The following NEBL variants were observed in gnomAD, a reference collection of about 807,000 sequenced individuals.
NEBL encodes nebulette, also known as LIM and SH3 protein 2.
Under a neutral mutation model 140.2 loss-of-function variants are expected in NEBL, and 122 were observed. That is an observed-to-expected ratio of 0.87 (90% CI 0.75 to 1.01). The LOEUF is 1.01. Among genes scored for constraint, NEBL ranks in the 50% least tolerant of loss-of-function variants. The pLI, the probability that NEBL is intolerant of heterozygous loss-of-function variation, is 0.00. For synonymous variants in NEBL, 436 were observed against 398.9 expected (o/e 1.09, Z -1.11); for missense variants, 1,365 against 1,231.3 (o/e 1.11, Z -1.62).
chr10:21,273,586 C>G (rs905243666), intron 1 of NEBL, among the ~76,000 whole-genome samples: 1 of 152,182 alleles, frequency 6.6e-6, no homozygotes, highest in Non-Finnish European at 1.5e-5. Flanking sequence ...CTACACCCTA[C>G]AGCCTCTGCC....
chr10:21,106,902 A>G (rs1284587943), intron 2 of NEBL, among the ~76,000 whole-genome samples: 2 of 152,104 alleles, frequency 1.3e-5, no homozygotes, highest in African/African-American at 4.8e-5. Context: ...GGTCCTTCAC[A>G]TCCCTTGTAA....
chr10:21,007,941 G>C (rs1164931519), intron 3 of NEBL, among the ~76,000 whole-genome samples: 1 of 152,172 alleles, frequency 6.6e-6, no homozygotes, highest in Non-Finnish European at 1.5e-5. Flanking sequence ...AGACTGCAAA[G>C]CTAATTCACA....
chr10:21,092,888 A>T (rs1274928358), intron 2 of NEBL, among the ~76,000 whole-genome samples: 2 of 152,036 alleles, frequency 1.3e-5, no homozygotes, highest in Non-Finnish European at 1.5e-5. Flanking sequence ...TCAGAGACCC[A>T]TGCCAAGCAA....
At chr10:21,058,310 T>C (rs1486045598) in intron 2 of NEBL, among the ~76,000 whole-genome samples, 1 of 152,190 alleles carries the variant, frequency 6.6e-6, no homozygotes, top group African/African-American at 2.4e-5. Context: ...TTCTTGCTCT[T>C]TTGGACTTTT....
chr10:21,128,670 G>A lies in NEBL; in HGVS notation c.164+43713C>T, dbSNP rs796580217. On this transcript the variant is annotated intron_variant, in intron 2 of 6. Transcript: ENST00000417816. ...GGCGAGAGAACAAAAGCAAAAAAAA[G>A]GAAGACCAACAAGAGAACATCATCA... is the stretch of plus-strand genomic sequence containing the variant. 5.3e-5 allele frequency among the ~76,000 whole-genome samples: 8 copies of A among 152,030 alleles called. No homozygotes were observed. The South Asian group carries it at 1.7e-3, about 32-fold the overall frequency.
At chr10:20,997,648 C>A (rs147040425) in intron 3 of NEBL, among the ~76,000 whole-genome samples, 1 of 152,082 alleles carries the variant, frequency 6.6e-6, no homozygotes, top group African/African-American at 2.4e-5. Flanking sequence ...TGGGTACTTT[C>A]TATGATCAGA....
At chr10:20,833,637 C>A (rs1462300502) in intron 14 of NEBL, among the ~76,000 whole-genome samples, 2 of 151,688 alleles carry the variant, frequency 1.3e-5, no homozygotes, top group African/African-American at 2.4e-5. Context: ...TTAATTGCCT[C>A]AAGGATTCTT....
At chr10:20,860,411 T>C (rs1395794710) in intron 7 of NEBL, among the ~76,000 whole-genome samples, 1 of 151,866 alleles carries the variant, frequency 6.6e-6, no homozygotes, top group Non-Finnish European at 1.5e-5. Context: ...TCCAATACTC[T>C]CTCTAAATTG....
intron 2 of NEBL, chr10:21,170,197 A>G (rs148511822): frequency 4.0e-5 from 6 of 151,600 alleles, no homozygotes; most frequent in African/African-American, 1.5e-4. Flanking sequence ...CCCTTATCCA[A>G]TTCTCTCTCA....
intron 4 of NEBL, among the ~76,000 whole-genome samples, chr10:20,957,561 T>C (rs770971028): frequency 1.2e-4 from 19 of 152,254 alleles, no homozygotes; most frequent in East Asian, 3.9e-4. Context: ...CTAATGTCTA[T>C]AGACATTAGT....
At chr10:20,940,894 T>C (rs1834818409) in intron 4 of NEBL, among the ~76,000 whole-genome samples, 1 of 152,154 alleles carries the variant, frequency 6.6e-6, no homozygotes, top group Admixed American at 6.5e-5. Context: ...AGGAAGAAGT[T>C]GAATCTCTGA....
chr10:21,231,465 G>C (rs905404115), intron 3 of NEBL, among the ~76,000 whole-genome samples: 1 of 152,086 alleles, frequency 6.6e-6, no homozygotes, highest in Non-Finnish European at 1.5e-5. Context: ...GCTTGAACTC[G>C]GGGGAGGAGG....
intron 3 of NEBL, among the ~76,000 whole-genome samples, chr10:21,015,651 A>G (rs892195609): frequency 1.3e-5 from 2 of 152,152 alleles, no homozygotes; most frequent in Non-Finnish European, 2.9e-5. Flanking sequence ...AGCTGAGACT[A>G]CAGGTATGCA....
chr10:20,835,561 G>T lies in NEBL; in HGVS notation c.1401C>A (p.Asp467Glu). ...TCTTGGCATGCTGCATTTCAAGGGT[G>T]TCAGTGCCAGCTTGCATTCCTTTCC... is the stretch of plus-strand genomic sequence containing the variant. ...IKGKGMQAGT[D>E]TLEMQHAKKA... Residue 467 changes from aspartate (D) to glutamate (E), a missense_variant, in exon 14 of 28, where the codon GAC (aspartate) becomes GAA (glutamate). Transcript: ENST00000377122. 2 of 1,612,786 alleles carry T rather than the reference G, an allele frequency of 1.2e-6. No individual in the cohort carries two copies.
At chr10:21,061,081 T>TA (rs1302556007) in intron 2 of NEBL, among the ~76,000 whole-genome samples, 1 of 151,874 alleles carries the variant, frequency 6.6e-6, no homozygotes, top group Non-Finnish European at 1.5e-5. Flanking sequence ...TAGAGGTCAT[T>TA]AGGGTGGGCC....
intron 3 of NEBL, among the ~76,000 whole-genome samples, chr10:21,208,966 C>T (rs1023136302): frequency 6.6e-6 from 1 of 152,120 alleles, no homozygotes; most frequent in Non-Finnish European, 1.5e-5. Context: ...TATGGTGACT[C>T]GGCCAAATAA....
chr10:20,793,356 T>C, intron 26 of NEBL: 3 of 978,450 alleles, frequency 3.1e-6, no homozygotes, highest in East Asian at 1.1e-4. Flanking sequence ...AAATCTTCAG[T>C]TTCAGCAGGA....
chr10:21,243,691 G>A (rs1014059817), intron 3 of NEBL, among the ~76,000 whole-genome samples: 4 of 152,136 alleles, frequency 2.6e-5, no homozygotes, highest in African/African-American at 4.8e-5. Context: ...GAGGTGCCAA[G>A]GCTTTATCCC....
Position 21,195,652 on chromosome 10 carries a change from A to T in NEBL, n.349-23175T>A, listed in dbSNP as rs980418345. 2.6e-5 allele frequency among the ~76,000 whole-genome samples: 4 copies of T among 152,210 alleles called. No homozygotes were observed. In the South Asian group the frequency reaches 6.2e-4, roughly 24 times the overall value. On this transcript the variant is annotated intron_variant and non_coding_transcript_variant, in intron 3 of 8. Coordinates refer to the NEBL transcript ENST00000675702. The stretch of plus-strand genomic sequence containing the variant: ...TTCACTGTTTTTATACCATGTAACC[A>T]CATACCTCCCTCCCTCTCTCTCCTT...
Sources: allele counts gnomAD v4.1 joint callset (sites outside exome capture counted in the v4.1 genomes callset), GRCh38; gene constraint gnomAD v4.1.1; transcripts MANE v1.5; gene names NCBI Gene and HGNC (gene_info 2026-07-23, HGNC 2026-07-21).